Variants in KAZN observed in about 807,000 individuals in gnomAD.
KAZN encodes kazrin.
KAZN carries 40 observed loss-of-function variants against 87.4 expected under a neutral mutation model. The observed-to-expected ratio is 0.46, with a 90% CI of 0.36 to 0.60. The LOEUF (loss-of-function observed/expected upper bound fraction) is 0.60, where lower values mean the gene tolerates loss of function less well. KAZN is among the 20% of genes least tolerant of loss of function. The probability of loss-of-function intolerance (pLI) is 0.00; values close to 1 mark genes in which losing one functional copy is unlikely to be tolerated. For missense variants in KAZN, 898 were observed against 1,073.9 expected, an observed-to-expected ratio of 0.84 and a Z score of 2.29; for synonymous variants, 466 against 458.3, an observed-to-expected ratio of 1.02 and a Z score of -0.22.
intron 2 of KAZN, among the ~76,000 whole-genome samples, chr1:14,459,315 G>T (rs979730715): frequency 1.3e-5 from 2 of 151,862 alleles, no homozygotes; most frequent in African/African-American, 4.8e-5. Context: ...ACAAGCCCAT[G>T]TGTGTATGAA....
chr1:14,493,469 C>A (rs1024890477), intron 2 of KAZN, among the ~76,000 whole-genome samples: 1 of 152,082 alleles, frequency 6.6e-6, no homozygotes, highest in African/African-American at 2.4e-5. Context: ...CTCATTCCAC[C>A]TCCTTGGGGA....
intron 2 of KAZN, among the ~76,000 whole-genome samples, chr1:14,458,045 A>G (rs1667666569): frequency 6.6e-6 from 1 of 152,132 alleles, no homozygotes; most frequent in African/African-American, 2.4e-5. Flanking sequence ...GATGGTCTCA[A>G]TCTCCTAACC....
At chr1:13,988,030 A>G (rs1639100829) in intron 1 of KAZN, among the ~76,000 whole-genome samples, 1 of 152,192 alleles carries the variant, frequency 6.6e-6, no homozygotes, top group Non-Finnish European at 1.5e-5. Flanking sequence ...TATAATTGAC[A>G]TTGATCCATA....
rs868208907 is a variant in KAZN at position 15,048,820 on chromosome 1, T to C, written c.726+4661T>C. Among the ~76,000 whole-genome samples, 720 of 126,442 alleles carry C rather than the reference T, an allele frequency of 5.7e-3. 6 individuals carry two copies. Among genetic ancestry groups the C allele is most frequent in the African/African-American group, 0.015 (496 of 33,122 alleles). The allele number at this position is 126,442 out of a possible 152,430, so 83.0% of individuals were successfully genotyped here. On this transcript the variant is annotated intron_variant, in intron 4 of 14. Coordinates refer to ENST00000376030, the MANE Select transcript of KAZN (RefSeq NM_201628.3). ...TGGTCCTGAGTCGTTGGTCCTGGGT[T>C]GTTGGTGCTGGGTCGTTGGTCCTGG... is the stretch of plus-strand genomic sequence containing the variant.
chr1:14,358,308 C>A (rs185373584), intron 2 of KAZN, among the ~76,000 whole-genome samples: 95 of 149,764 alleles, frequency 6.3e-4, no homozygotes, highest in African/African-American at 2.1e-3. Context: ...ATTCTTCTCT[C>A]TTTTCTTCTT....
At chr1:14,530,658 T>A (rs1672158297) in intron 2 of KAZN, among the ~76,000 whole-genome samples, 1 of 152,138 alleles carries the variant, frequency 6.6e-6, no homozygotes, top group South Asian at 2.1e-4. Flanking sequence ...CACGATGCAA[T>A]GTGCCTGATC....
chr1:14,606,470 A>C (rs769493569), intron 1 of KAZN, among the ~76,000 whole-genome samples: 1 of 152,128 alleles, frequency 6.6e-6, no homozygotes, highest in Non-Finnish European at 1.5e-5. Context: ...ACTTATCACT[A>C]ATAAAAAGGA....
chr1:14,463,483 A>G (rs35788652), intron 2 of KAZN, among the ~76,000 whole-genome samples: 17,331 of 152,202 alleles, frequency 0.11, 1,124 homozygotes, highest in Middle Eastern at 0.21. Context: ...TATTAAGATT[A>G]GTATATTTCT....
chr1:13,904,513 T>C (rs1188282607), intron 1 of KAZN, among the ~76,000 whole-genome samples: 1 of 152,218 alleles, frequency 6.6e-6, no homozygotes, highest in Admixed American at 6.5e-5. Context: ...TAGTTTTATT[T>C]TGGCTACTGT....
rs193142255 is a variant in KAZN at position 14,667,237 on chromosome 1, G to A, written c.226+68014G>A. Among the ~76,000 whole-genome samples the A allele has an allele frequency of 7.9e-5, 12 of 152,274 alleles. No homozygotes were observed. In the East Asian group the frequency reaches 1.5e-3, roughly 20 times the overall value. On this transcript the variant is annotated intron_variant, in intron 1 of 14. Coordinates refer to ENST00000376030, the MANE Select transcript of KAZN (RefSeq NM_201628.3). ...GACAGATGAGGAAAGTGAAGCATACGGAGCCCTGGCTGTCCATGGAAATAG... is the reference window on the plus strand; with the variant it reads ...GACAGATGAGGAAAGTGAAGCATACAGAGCCCTGGCTGTCCATGGAAATAG...
chr1:14,797,145 C>G (rs1300308575), intron 1 of KAZN, among the ~76,000 whole-genome samples: 1 of 151,978 alleles, frequency 6.6e-6, no homozygotes, highest in South Asian at 2.1e-4. Flanking sequence ...ACTGCAGCCT[C>G]CGCCTCCTGG....
At chr1:14,209,889 C>G (rs1285530077) in intron 2 of KAZN, among the ~76,000 whole-genome samples, 1 of 152,152 alleles carries the variant, frequency 6.6e-6, no homozygotes, top group South Asian at 2.1e-4. Flanking sequence ...AGTTGCCCTT[C>G]CAGACGAGCT....
chr1:14,809,134 C>A (rs1646323230), intron 1 of KAZN, among the ~76,000 whole-genome samples: 2 of 152,308 alleles, frequency 1.3e-5, no homozygotes, highest in South Asian at 4.2e-4. Flanking sequence ...AAACCACTGG[C>A]AAGGAGGAAT....
In KAZN at chr1:14,599,182, C is replaced by A; in HGVS notation, c.185C>A (p.Ser62Ter). 7.2e-7 allele frequency: 1 copy of A among 1,385,762 alleles called. No homozygotes were observed. The highest frequency in any genetic ancestry group is 9.3e-7 in the Non-Finnish European group (1 of 1,071,556). 85.8% of individuals were successfully genotyped at this position (1,385,762 alleles called of 1,614,324 possible). The change falls in exon 1 of 15, where the codon TCG (serine) becomes TAG (stop). Residue 62 changes from serine (S) to a stop codon, truncating the protein, a stop_gained. Transcript: ENST00000376030. LOFTEE classifies it high-confidence loss of function. The surrounding 1 kb of genome is among the most constrained non-coding windows in gnomAD (Gnocchi z 4.4). ...AAASASAAGD[S>*]AATNMENPQL... is the part of the protein sequence containing the mutation. Reference sequence around the variant, plus strand: ...GCCAGCGCCTCGGCGGCGGGGGACTCGGCGGCGACGAACATGGAGAACCCC... The same window carrying A: ...GCCAGCGCCTCGGCGGCGGGGGACTAGGCGGCGACGAACATGGAGAACCCC...
rs550516612 is a variant in KAZN at position 14,847,981 on chromosome 1, A to C, written c.227-112703A>C. 5.9e-5 allele frequency among the ~76,000 whole-genome samples: 9 copies of C among 151,920 alleles called. 1 individual carries two copies. Among genetic ancestry groups the C allele is most frequent in the African/African-American group, 2.2e-4 (9 of 41,220 alleles). On this transcript the variant is annotated intron_variant, in intron 1 of 14. Coordinates refer to ENST00000376030, the MANE Select transcript of KAZN (RefSeq NM_201628.3). ...GGCGACAGAGTGAGATTCTGTCTCA[A>C]AAACAAAAACAAAAACAAAAACCTG...
At chr1:14,944,366 G>T (rs548330222) in intron 1 of KAZN, among the ~76,000 whole-genome samples, 4 of 152,378 alleles carry the variant, frequency 2.6e-5, no homozygotes, top group Non-Finnish European at 4.4e-5. Context: ...GTCCTGAAAG[G>T]TTGTGGCCTG....
rs111668302 is a variant in KAZN at position 14,785,312 on chromosome 1, A to G, written c.227-175372A>G. ...TGGGAACTTTGTCATTGACTGGCTC[A>G]GTGTCTCTCAGTTCAGGCTTTTGAG... On this transcript the variant is annotated intron_variant, in intron 1 of 14. Coordinates refer to ENST00000376030, the MANE Select transcript of KAZN (RefSeq NM_201628.3). Among the ~76,000 whole-genome samples the G allele has an allele frequency of 8.1e-3, 1,227 of 152,284 alleles. 16 individuals carry two copies. The highest frequency in any genetic ancestry group is 0.028 in the African/African-American group (1,163 of 41,554).
intron 1 of KAZN, among the ~76,000 whole-genome samples, chr1:14,824,973 T>G (rs1318839932): frequency 6.6e-6 from 1 of 152,244 alleles, no homozygotes; most frequent in Non-Finnish European, 1.5e-5. Context: ...ATTTGGCTGT[T>G]TGCACGGCCC....
intron 1 of KAZN, among the ~76,000 whole-genome samples, chr1:14,050,252 A>G (rs960670793): frequency 6.6e-6 from 1 of 151,986 alleles, no homozygotes; most frequent in Non-Finnish European, 1.5e-5. Context: ...GTGTGTGGGC[A>G]TGCCTGTGCA....
Sources: allele counts gnomAD v4.1 joint callset (sites outside exome capture counted in the v4.1 genomes callset), GRCh38; gene constraint gnomAD v4.1.1; non-coding constraint Gnocchi (gnomAD v3.1); transcripts MANE v1.5; gene names NCBI Gene and HGNC (gene_info 2026-07-23, HGNC 2026-07-21).